The following NRG1 variants were observed in gnomAD, a reference collection of about 807,000 sequenced individuals.
The protein encoded by NRG1 is neuregulin 1.
Under a neutral mutation model 63.8 loss-of-function variants are expected in NRG1, and 18 were observed. The observed-to-expected ratio is 0.28, with a 90% CI of 0.19 to 0.42. The LOEUF (loss-of-function observed/expected upper bound fraction) is 0.42, where lower values mean the gene tolerates loss of function less well. NRG1 is among the 10% of genes least tolerant of loss of function. The probability of loss-of-function intolerance (pLI) is 1.00; values close to 1 mark genes in which losing one functional copy is unlikely to be tolerated. For synonymous variants in NRG1, 302 were observed against 301.3 expected (o/e 1.00, Z -0.02); for missense variants, 762 against 814.7 (o/e 0.94, Z 0.79).
chr8:32,571,412 G>GC (rs1348875085), intron 1 of NRG1, among the ~76,000 whole-genome samples: 6 of 152,090 alleles, frequency 3.9e-5, no homozygotes, highest in Non-Finnish European at 7.4e-5. Flanking sequence ...AATAGTCAAT[G>GC]CCATCGTGGT....
At chr8:32,170,130 C>T (rs1839873001) in intron 1 of NRG1, among the ~76,000 whole-genome samples, 1 of 152,162 alleles carries the variant, frequency 6.6e-6, no homozygotes, top group South Asian at 2.1e-4. Context: ...GCCCTGACAA[C>T]ACTGTGATTT....
intron 1 of NRG1, among the ~76,000 whole-genome samples, chr8:32,344,546 C>A (rs1804610206): frequency 1.3e-5 from 2 of 150,186 alleles, no homozygotes; most frequent in Non-Finnish European, 3.0e-5. Flanking sequence ...ATCTTCCCAC[C>A]TCACCTTAGC....
rs188304224 is a variant in NRG1, at chr8:32,591,475, G to A, written c.101-4353G>A. 1.1e-4 allele frequency among the ~76,000 whole-genome samples: 16 copies of A among 152,194 alleles called. No homozygotes were observed. The East Asian group carries it at 2.3e-3, about 22-fold the overall frequency. On this transcript the variant is annotated intron_variant, in intron 1 of 11. Coordinates refer to ENST00000356819, the Ensembl canonical transcript of NRG1. ...TAGATCATCTCGTAAGGCAAGGAAT[G>A]TACCACTCTGCATATGGACCCCAAA...
At chr8:32,075,315 A>G (rs1326416432) in intron 1 of NRG1, among the ~76,000 whole-genome samples, 1 of 152,160 alleles carries the variant, frequency 6.6e-6, no homozygotes, top group Non-Finnish European at 1.5e-5. Flanking sequence ...GTACAGGAAT[A>G]AATCATGCCA....
intron 1 of NRG1, among the ~76,000 whole-genome samples, chr8:32,049,547 A>G (rs1821638983): frequency 6.6e-6 from 1 of 152,196 alleles, no homozygotes; most frequent in Admixed American, 6.5e-5. Context: ...TTACCATTAG[A>G]AAGAAACCTT....
chr8:32,614,458 C>A, intron 3 of NRG1, 56 bp from the exon 4 acceptor site: 3 of 1,562,168 alleles, frequency 1.9e-6, no homozygotes, highest in Admixed American at 1.7e-5. Flanking sequence ...GGCTGTGGTA[C>A]CTGCTCCCGG....
At chr8:32,487,541 A>G (rs962732299) in intron 1 of NRG1, among the ~76,000 whole-genome samples, 2 of 151,976 alleles carry the variant, frequency 1.3e-5, no homozygotes, top group East Asian at 3.9e-4. Context: ...GTATCTTTGT[A>G]CTCTGCCATT....
chr8:32,291,848 A>G (rs949227047), intron 1 of NRG1, among the ~76,000 whole-genome samples: 1 of 152,132 alleles, frequency 6.6e-6, no homozygotes, highest in Non-Finnish European at 1.5e-5. Context: ...ACTGTTTGGC[A>G]TGTGACTTAA....
chr8:32,692,774 G>A (rs144490701), intron 5 of NRG1, among the ~76,000 whole-genome samples: 7 of 152,112 alleles, frequency 4.6e-5, no homozygotes, highest in South Asian at 2.1e-4. Context: ...GAAATCTGCC[G>A]AGTGCATGGG....
chr8:32,376,832 G>C (rs1276146398), intron 1 of NRG1, among the ~76,000 whole-genome samples: 1 of 152,164 alleles, frequency 6.6e-6, no homozygotes. Context: ...TAGCAAGTCT[G>C]AGTAGAACTC....
At chr8:32,600,360 T>G (rs910398124) in intron 2 of NRG1, among the ~76,000 whole-genome samples, 1 of 150,994 alleles carries the variant, frequency 6.6e-6, no homozygotes, top group African/African-American at 2.4e-5. Flanking sequence ...ACACAAACAC[T>G]GTCTATATAA....
chr8:32,602,541 A>C (rs1202224613), intron 2 of NRG1, among the ~76,000 whole-genome samples: 5 of 152,138 alleles, frequency 3.3e-5, no homozygotes, highest in African/African-American at 9.7e-5. Flanking sequence ...TGTTGTAATA[A>C]TCTTGGAGTT....
chr8:32,602,903 G>C (rs866028672), intron 2 of NRG1, among the ~76,000 whole-genome samples: 1 of 152,090 alleles, frequency 6.6e-6, no homozygotes, highest in East Asian at 1.9e-4. Context: ...GTATTTGAAC[G>C]CTCCAAAATT....
At chr8:32,649,383 A>C (rs1373175603) in intron 5 of NRG1, among the ~76,000 whole-genome samples, 1 of 152,132 alleles carries the variant, frequency 6.6e-6, no homozygotes, top group East Asian at 1.9e-4. Flanking sequence ...TAGCCTTTTA[A>C]AAATGTTTCT....
intron 1 of NRG1, among the ~76,000 whole-genome samples, chr8:31,907,899 C>A (rs947889064): frequency 5.9e-5 from 9 of 152,094 alleles, no homozygotes; most frequent in African/African-American, 2.2e-4. Flanking sequence ...TCACTGTATG[C>A]CTTCTTCTTT....
intron 1 of NRG1, among the ~76,000 whole-genome samples, chr8:31,899,669 C>T (rs959328353): frequency 1.3e-5 from 2 of 152,090 alleles, no homozygotes; most frequent in African/African-American, 4.8e-5. Context: ...CTCTTGTAAA[C>T]ATTTTCAAGC....
intron 1 of NRG1, among the ~76,000 whole-genome samples, chr8:32,387,430 G>A (rs992327358): frequency 6.6e-6 from 1 of 152,116 alleles, no homozygotes; most frequent in African/African-American, 2.4e-5. Context: ...GTCTGCAAAG[G>A]TATACACAAT....
intron 1 of NRG1, among the ~76,000 whole-genome samples, chr8:32,352,352 A>G (rs62497644): frequency 0.51 from 77,961 of 151,642 alleles, 21,029 homozygotes; most frequent in Non-Finnish European, 0.61. Flanking sequence ...AGCTCTTTGC[A>G]CTTTGTCTTC....
intron 7 of NRG1, among the ~76,000 whole-genome samples, chr8:32,746,218 G>T (rs1424365107): frequency 6.6e-6 from 1 of 151,942 alleles, no homozygotes; most frequent in East Asian, 1.9e-4. Flanking sequence ...ACTACGGATT[G>T]GCATATGTGA....
Sources: allele counts gnomAD v4.1 joint callset (sites outside exome capture counted in the v4.1 genomes callset), GRCh38; gene constraint gnomAD v4.1.1; transcripts MANE v1.5; gene names NCBI Gene and HGNC (gene_info 2026-07-23, HGNC 2026-07-21).